PITPNM1: variants seen among roughly 807,000 people sequenced by gnomAD.
The protein encoded by PITPNM1 is membrane-associated phosphatidylinositol transfer protein 1.
A neutral mutation model predicts 133.3 loss-of-function variants in PITPNM1; 74 were observed. The observed-to-expected ratio is 0.56, with a 90% CI of 0.46 to 0.67. The LOEUF (loss-of-function observed/expected upper bound fraction) is 0.67, where lower values mean the gene tolerates loss of function less well. Among genes scored for constraint, PITPNM1 ranks in the 30% least tolerant of loss-of-function variants. The pLI, the probability that PITPNM1 is intolerant of heterozygous loss-of-function variation, is 0.00. For synonymous variants in PITPNM1, 738 were observed against 741.4 expected (o/e 1.00, Z 0.08); for missense variants, 1,398 against 1,739.5 (o/e 0.80, Z 3.49).
rs781757552 is a variant in PITPNM1 at position 67,502,631 on chromosome 11, C to T, written c.166G>A (p.Gly56Arg). 1.2e-5 allele frequency: 20 copies of T among 1,613,364 alleles called. No individual in the cohort carries two copies. Among genetic ancestry groups the T allele is most frequent in the South Asian group, 2.2e-5 (2 of 91,084 alleles). The change falls in exon 3 of 24, where the codon GGG (glycine) becomes AGG (arginine). Residue 56 changes from glycine (G) to arginine (R), a missense_variant. This residue lies in a region of PITPNM1 where 274 missense variants were observed against 360.7 expected (regional missense o/e 0.76). Coordinates refer to ENST00000356404, the MANE Select transcript of PITPNM1 (RefSeq NM_004910.3). This position sits in a 1 kb window ranked among gnomAD's most constrained non-coding sequence, Gnocchi z 5.9. ...RPYTDGPGGS[G>R]QYTHKVYHVG... ...TGGTACACCTTGTGTGTGTATTGCC[C>T]GCTGCCCCCGGGCCCATCCGTGTAG...
chr11:67,504,268 G>A lies in PITPNM1; in HGVS notation c.-41-47C>T. 5 of 796,280 alleles carry A rather than the reference G, an allele frequency of 6.3e-6. No individual in the cohort carries two copies. The highest frequency in any genetic ancestry group is 8.6e-6 in the Non-Finnish European group (5 of 580,236). The allele number at this position is 796,280 out of a possible 1,614,324, so 49.3% of individuals were successfully genotyped here. A position where few individuals can be genotyped will look rare whatever the true frequency, so the allele number is the denominator to read the frequency against. On this transcript the variant is annotated intron_variant, in intron 1 of 23. Transcript: ENST00000356404. The surrounding 1 kb of genome is among the most constrained non-coding windows in gnomAD (Gnocchi z 5.4). ...CAGTCAGTGCGGGGAGGCTGCGCGCGGCCCCGAGCCCTGCGCGCCGGCCGA... is the reference window on the plus strand; with the variant it reads ...CAGTCAGTGCGGGGAGGCTGCGCGCAGCCCCGAGCCCTGCGCGCCGGCCGA...
chr11:67,497,367 G>A lies in PITPNM1; in HGVS notation c.2010C>T (p.Pro670=), dbSNP rs377471668. 1.6e-5 allele frequency: 25 copies of A among 1,602,102 alleles called. No individual in the cohort carries two copies. Among genetic ancestry groups the A allele is most frequent in the Non-Finnish European group, 2.0e-5 (23 of 1,172,752 alleles). Residue 670 remains proline (P), a synonymous_variant, in exon 14 of 24, where the codon CCC becomes CCT. Transcript: ENST00000356404. ...CGTCAGGTGCCTCGGAACTGGCAGC[G>A]GGTGGGCAGAAGGCCGTGCTTGCCC... ...PRRASTAFCP[P]AASSEAPDGP...
rs1866309343 is a variant in PITPNM1 at position 67,501,100 on chromosome 11, T to G, written c.641-679A>C. Among the ~76,000 whole-genome samples, 2 of 152,266 alleles carry G rather than the reference T, an allele frequency of 1.3e-5. 1 individual carries two copies. Among genetic ancestry groups the G allele is most frequent in the South Asian group, 4.1e-4 (2 of 4,834 alleles). ...GTAAAATGGGAATAATCATCGTCATTACCTGGTGGGGTGTTGTGGGTGTTA... is the reference window on the plus strand; with the variant it reads ...GTAAAATGGGAATAATCATCGTCATGACCTGGTGGGGTGTTGTGGGTGTTA... On this transcript the variant is annotated intron_variant, in intron 5 of 23. Coordinates refer to ENST00000356404, the MANE Select transcript of PITPNM1 (RefSeq NM_004910.3).
chr11:67,496,668 C>A, intron 14 of PITPNM1: 1 of 323,900 alleles, frequency 3.1e-6, no homozygotes, highest in South Asian at 5.3e-5. Context: ...GGTTCAGTGG[C>A]TCATTCCTGG....
At position 67,500,018 on chromosome 11, in the gene PITPNM1, C is replaced by A. The variant is rs771552900; in HGVS notation, c.968-9G>T. 6.8e-6 allele frequency: 11 copies of A among 1,611,464 alleles called. No homozygotes were observed. In the Admixed American group the frequency reaches 1.8e-4, roughly 27 times the overall value. On this transcript the variant is annotated splice_polypyrimidine_tract_variant and intron_variant, in intron 6 of 23. Coordinates refer to ENST00000356404, the MANE Select transcript of PITPNM1 (RefSeq NM_004910.3). ...CTGGGGAGACACAGCCCCTGCCGGG[C>A]CAGCTCAGCCTCAGCCTCAGCCCAG...
chr11:67,505,670 CCTCTT>C (rs1434641091), upstream of PITPNM1, among the ~76,000 whole-genome samples: 8 of 152,182 alleles, frequency 5.3e-5, no homozygotes, highest in African/African-American at 1.7e-4. The surrounding 1 kb of genome is among the most constrained non-coding windows in gnomAD (Gnocchi z 5.8). Flanking sequence ...GGCCCACTCT[CCTCTT>C]CTCACTCTCT....
At position 67,504,494 on chromosome 11, in the gene PITPNM1, C is replaced by G. The variant is rs1171347055; in HGVS notation, c.-41-273G>C. 6.6e-6 allele frequency: 1 copy of G among 152,664 alleles called. No individual in the cohort carries two copies. The highest frequency in any genetic ancestry group is 1.9e-4 in the East Asian group (1 of 5,182). 9.5% of individuals were successfully genotyped at this position (152,664 alleles called of 1,614,324 possible). On this transcript the variant is annotated intron_variant, in intron 1 of 23. Transcript: ENST00000356404. This position sits in a 1 kb window ranked among gnomAD's most constrained non-coding sequence, Gnocchi z 5.4. ...GCGGGCCCCCCGGAGCGCCAGGCTC[C>G]GGCCGGCGGGCGGGAGGGCCACCTC... is the stretch of plus-strand genomic sequence containing the variant.
Position 67,493,059 on chromosome 11 carries a change from C to G in PITPNM1, c.3346G>C (p.Glu1116Gln). The change falls in exon 23 of 24, where the codon GAA becomes CAA. Residue 1116 changes from glutamate (E) to glutamine (Q), a missense_variant. By Grantham distance (29) the Glu-to-Gln change is conservative (BLOSUM62 2). Coordinates refer to ENST00000356404, the MANE Select transcript of PITPNM1 (RefSeq NM_004910.3). ...MFLQSLVQEV[E>Q]LNIVAGYGSP... is the part of the protein sequence containing the mutation. ...CCATAACCGGCCACGATGTTCAGTTCTACCTGTGGCGGGAGATGCCAATCA... is the reference window on the plus strand; with the variant it reads ...CCATAACCGGCCACGATGTTCAGTTGTACCTGTGGCGGGAGATGCCAATCA... 6.2e-7 allele frequency: 1 copy of G among 1,612,980 alleles called. No homozygotes were observed. Among genetic ancestry groups the G allele is most frequent in the South Asian group, 1.1e-5 (1 of 91,090 alleles).
Position 67,499,815 on chromosome 11 carries a change from C to T in PITPNM1, c.1079G>A (p.Ser360Asn). 6.4e-7 allele frequency: 1 copy of T among 1,567,370 alleles called. No homozygotes were observed. Among genetic ancestry groups the T allele is most frequent in the Non-Finnish European group, 8.7e-7 (1 of 1,150,082 alleles). ...FFDAHEGFSD[S>N]EEVFPKEMTK... ...CATCTCCTTGGGGAAGACCTCCTCA[C>T]TGTCCGAGAAGCCTTCTGAGGGGAC... Residue 360 changes from serine (S) to asparagine (N), a missense_variant, in exon 8 of 24, where the codon AGT (serine) becomes AAT (asparagine). Physicochemically the swap from Ser to Asn is conservative, Grantham distance 46 (BLOSUM62 1). Transcript: ENST00000356404.
Position 67,492,298 on chromosome 11 carries a change from T to C in PITPNM1, c.3472-2A>G. 1 of 1,560,262 alleles carries C rather than the reference T, an allele frequency of 6.4e-7. No individual in the cohort carries two copies. The highest frequency in any genetic ancestry group is 8.7e-7 in the Non-Finnish European group (1 of 1,151,026). ...GGCCACATAGCCGTCTGACAGGAACTGTGGGCAGAGGTAGGCAGCGATGAG... is the reference window on the plus strand; with the variant it reads ...GGCCACATAGCCGTCTGACAGGAACCGTGGGCAGAGGTAGGCAGCGATGAG... On this transcript the variant is annotated splice_acceptor_variant, in intron 23 of 23. Coordinates refer to ENST00000356404, the MANE Select transcript of PITPNM1 (RefSeq NM_004910.3). LOFTEE classifies it high-confidence loss of function.
rs775108988 is a variant in PITPNM1 at position 67,498,275 on chromosome 11, T to C, written c.1532A>G (p.Asp511Gly). The change falls in exon 11 of 24, where the codon GAC becomes GGC. Residue 511 changes from aspartate to glycine, a missense_variant. This residue lies in a region of PITPNM1 where 574 missense variants were observed against 698.7 expected (regional missense o/e 0.82). Transcript: ENST00000356404. The surrounding 1 kb of genome is among the most constrained non-coding windows in gnomAD (Gnocchi z 5.7). ...TGGCAGGGCAGCCAGTGGAATGTGG[T>C]CTTGGGAGCGAGACAGGCTGTCCCC... is the stretch of plus-strand genomic sequence containing the variant. ...HDGDSLSRSQ[D>G]HIPLAALPLL... 1 of 1,608,458 alleles carries C rather than the reference T, an allele frequency of 6.2e-7. No homozygotes were observed. The highest frequency in any genetic ancestry group is 8.5e-7 in the Non-Finnish European group (1 of 1,177,398).
chr11:67,499,865 G>T, intron 7 of PITPNM1, 35 bp from the exon 8 acceptor site: 1 of 1,591,846 alleles, frequency 6.3e-7, no homozygotes, highest in South Asian at 1.1e-5. Context: ...TGGGGTGGGA[G>T]GAGCTGCTCG....
Position 67,498,859 on chromosome 11 carries a change from A to G in PITPNM1, c.1234-13T>C. 1 of 1,608,984 alleles carries G rather than the reference A, an allele frequency of 6.2e-7. No individual in the cohort carries two copies. The highest frequency in any genetic ancestry group is 8.5e-7 in the Non-Finnish European group (1 of 1,176,586). ...CTCCATCCAGGCCCTGGGGGGAACA[A>G]TGGGGTGCAGTGGGTGTCACAGCAG... On this transcript the variant is annotated splice_polypyrimidine_tract_variant and intron_variant, in intron 9 of 23. Coordinates refer to ENST00000356404, the MANE Select transcript of PITPNM1 (RefSeq NM_004910.3). The surrounding 1 kb of genome is among the most constrained non-coding windows in gnomAD (Gnocchi z 5.7).
intron 5 of PITPNM1, 149 bp from the exon 6 acceptor site, chr11:67,500,570 A>T (rs1866293712): frequency 1.4e-6 from 1 of 715,028 alleles, no homozygotes; most frequent in Admixed American, 2.8e-5. Flanking sequence ...GCAGTCCAGG[A>T]ATGGGAGTGG....
Position 67,504,277 on chromosome 11 carries a change from C to G in PITPNM1, c.-41-56G>C. The G allele has an allele frequency of 4.4e-6, 3 of 678,284 alleles. No homozygotes were observed. The highest frequency in any genetic ancestry group is 6.2e-6 in the Non-Finnish European group (3 of 480,768). The allele number at this position is 678,284 out of a possible 1,614,324, so 42.0% of individuals were successfully genotyped here. ...CGGGGAGGCTGCGCGCGGCCCCGAG[C>G]CCTGCGCGCCGGCCGAGGGACTCAG... On this transcript the variant is annotated intron_variant, in intron 1 of 23. Transcript: ENST00000356404. This position sits in a 1 kb window ranked among gnomAD's most constrained non-coding sequence, Gnocchi z 5.4.
Position 67,500,296 on chromosome 11 carries a change from T to C in PITPNM1, c.766A>G (p.Met256Val). The change falls in exon 6 of 24, where the codon ATG becomes GTG. Residue 256 changes from methionine (M) to valine (V), a missense_variant. Transcript: ENST00000356404. The part of the protein sequence containing the change: ...EETARMLAQR[M>V]AKCNTGSEGS... ...TCACTGCCTGTGTTGCACTTGGCCA[T>C]GCGCTGGGCCAGCATGCGAGCAGTC... 1 of 1,611,090 alleles carries C rather than the reference T, an allele frequency of 6.2e-7. No individual in the cohort carries two copies.
chr11:67,502,571 G>A lies in PITPNM1; in HGVS notation c.226C>T (p.Leu76=), dbSNP rs1866365695. 3.1e-6 allele frequency: 5 copies of A among 1,613,584 alleles called. No individual in the cohort carries two copies. The highest frequency in any genetic ancestry group is 1.3e-5 in the African/African-American group (1 of 74,940). ...GSHIPGWFRA[L]LPKAALQVEE... ...ACCTGCAGGGCAGCCTTGGGCAGCAGTGCCCGGAACCAGCCTGGGATGTGG... is the reference window on the plus strand; with the variant it reads ...ACCTGCAGGGCAGCCTTGGGCAGCAATGCCCGGAACCAGCCTGGGATGTGG... The change falls in exon 3 of 24, where the codon CTG becomes TTG. Residue 76 remains leucine (L), a synonymous_variant. Transcript: ENST00000356404. This position sits in a 1 kb window ranked among gnomAD's most constrained non-coding sequence, Gnocchi z 5.9.
At chr11:67,497,063 T>C (rs1261544258) in intron 14 of PITPNM1, 168 bp downstream of exon 14, 17 of 563,920 alleles carry the variant, frequency 3.0e-5, no homozygotes, top group Non-Finnish European at 4.3e-5. Flanking sequence ...GACTCACCCT[T>C]GGCGAGTCCC....
chr11:67,492,243 G>C lies in PITPNM1; in HGVS notation c.3525C>G (p.His1175Gln). ...AHLGQLEAGS[H>Q]SHASSGPPRA... ...TCGGGGGTCCCGAGGAGGCATGCGA[G>C]TGCGAGCCCGCTTCCAGCTGGCCCA... Residue 1175 changes from histidine (H) to glutamine (Q), a missense_variant, in exon 24 of 24, where the codon CAC becomes CAG. Transcript: ENST00000356404. The C allele has an allele frequency of 6.3e-7, 1 of 1,599,188 alleles. No homozygotes were observed. The highest frequency in any genetic ancestry group is 8.5e-7 in the Non-Finnish European group (1 of 1,171,632).
Sources: allele counts gnomAD v4.1 joint callset (sites outside exome capture counted in the v4.1 genomes callset), GRCh38; gene constraint gnomAD v4.1.1; regional missense constraint gnomAD v4.1.1; non-coding constraint Gnocchi (gnomAD v3.1); transcripts MANE v1.5; gene names NCBI Gene and HGNC (gene_info 2026-07-23, HGNC 2026-07-21).